Variants in PANK4 observed in about 807,000 individuals in gnomAD.
PANK4 encodes 4'-phosphopantetheine phosphatase.
A neutral mutation model predicts 87.9 loss-of-function variants in PANK4; 40 were observed. That is an observed-to-expected ratio of 0.46 (90% CI 0.35 to 0.59). The LOEUF is 0.59. Among genes scored for constraint, PANK4 ranks in the 20% least tolerant of loss-of-function variants. PANK4 has a pLI of 0.00. For synonymous variants in PANK4, 524 were observed against 467.4 expected, an observed-to-expected ratio of 1.12 and a Z score of -1.56; for missense variants, 926 against 1,072.3, an observed-to-expected ratio of 0.86 and a Z score of 1.90.
At position 2,518,210 on chromosome 1, in the gene PANK4, C is replaced by G. The variant is rs1312003000; in HGVS notation, c.1172G>C (p.Ser391Thr). 1 of 1,611,494 alleles carries G rather than the reference C, an allele frequency of 6.2e-7. No individual in the cohort carries two copies. The highest frequency in any genetic ancestry group is 8.5e-7 in the Non-Finnish European group (1 of 1,179,716). ...ENYAGSSGLM[S>T]ASPELGPAQR... ...CGCCGGGCCGAGCTCGGGTGATGCA[C>G]TCATCAGCCCGGAGCTGCCTGCATA... Residue 391 changes from serine to threonine, a missense_variant, in exon 9 of 19, where the codon AGT (serine) becomes ACT (threonine). Physicochemically the swap from Ser to Thr is moderately conservative, Grantham distance 58. Coordinates refer to ENST00000378466, the MANE Select transcript of PANK4 (RefSeq NM_018216.4).
Position 2,519,556 on chromosome 1 carries a change from A to G in PANK4, c.854-232T>C, listed in dbSNP as rs1412216784. ...GGATTAAGCTTTGTTTTGAAGGAGGAAAAAACCCAATCAGGAAACTATTTT... is the reference window on the plus strand; with the variant it reads ...GGATTAAGCTTTGTTTTGAAGGAGGGAAAAACCCAATCAGGAAACTATTTT... On this transcript the variant is annotated intron_variant, in intron 6 of 18. Transcript: ENST00000378466. This position sits in a 1 kb window ranked among gnomAD's most constrained non-coding sequence, Gnocchi z 8.3. 6.6e-6 allele frequency among the ~76,000 whole-genome samples: 1 copy of G among 152,112 alleles called. No homozygotes were observed. The highest frequency in any genetic ancestry group is 2.4e-5 in the African/African-American group (1 of 41,414).
At chr1:2,521,689 T>TGCCCC in intron 2 of PANK4, 29 bp downstream of exon 2, 1 of 1,576,770 alleles carries the variant, frequency 6.3e-7, no homozygotes, top group South Asian at 1.1e-5. Flanking sequence ...GCGGCTGCCC[T>TGCCCC]GCCCCGGGTG....
rs1643858823 is a variant in PANK4, at chr1:2,519,899, A to G, written c.755T>C (p.Met252Thr). Reference protein sequence around the residue: ...ASRGQHSNVDMLVRDVYGGAH... With the variant: ...ASRGQHSNVDTLVRDVYGGAH... Reference sequence around the variant, plus strand: ...GCCGCCGTAGACGTCCCGCACCAGCATGTCCACATTGCTGTGCTGGCCCCT... The same window carrying G: ...GCCGCCGTAGACGTCCCGCACCAGCGTGTCCACATTGCTGTGCTGGCCCCT... The change falls in exon 6 of 19, where the codon ATG (methionine) becomes ACG (threonine). Residue 252 changes from methionine (M) to threonine (T), a missense_variant. By Grantham distance (81) the Met-to-Thr change is moderately conservative. Coordinates refer to ENST00000378466, the MANE Select transcript of PANK4 (RefSeq NM_018216.4). The surrounding 1 kb of genome is among the most constrained non-coding windows in gnomAD (Gnocchi z 8.3). 20 of 1,568,378 alleles carry G rather than the reference A, an allele frequency of 1.3e-5. No individual in the cohort carries two copies. Among genetic ancestry groups the G allele is most frequent in the Non-Finnish European group, 1.5e-5 (17 of 1,156,710 alleles).
Position 2,521,328 on chromosome 1 carries a change from G to C in PANK4, c.208-13C>G. 6.2e-7 allele frequency: 1 copy of C among 1,603,668 alleles called. No homozygotes were observed. The highest frequency in any genetic ancestry group is 8.5e-7 in the Non-Finnish European group (1 of 1,170,822). On this transcript the variant is annotated splice_polypyrimidine_tract_variant and intron_variant, in intron 2 of 18. Coordinates refer to ENST00000378466, the MANE Select transcript of PANK4 (RefSeq NM_018216.4). ...CACGTTCTGTGTCCTGGAAAACAGA[G>C]TAGGGGAGGCCGCATGTGTGTGGGA...
Position 2,508,750 on chromosome 1 carries a change from A to C in PANK4, c.*97T>G, listed in dbSNP as rs1643609976. 1 of 753,764 alleles carries C rather than the reference A, an allele frequency of 1.3e-6. No individual in the cohort carries two copies. The highest frequency in any genetic ancestry group is 2.3e-6 in the Non-Finnish European group (1 of 437,660). 46.7% of individuals were successfully genotyped at this position (753,764 alleles called of 1,614,324 possible). ...GGTGTATGTGCCGCGTCACAGCAGT[A>C]CCATATAAATACGTTGATTTGAACG... On this transcript the variant is annotated 3_prime_UTR_variant, in exon 19 of 19. Coordinates refer to ENST00000378466, the MANE Select transcript of PANK4 (RefSeq NM_018216.4). The surrounding 1 kb of genome is among the most constrained non-coding windows in gnomAD (Gnocchi z 5.1).
chr1:2,520,288 G>A lies in PANK4; in HGVS notation c.699+34C>T, dbSNP rs1380073301. On this transcript the variant is annotated intron_variant, in intron 5 of 18. Coordinates refer to ENST00000378466, the MANE Select transcript of PANK4 (RefSeq NM_018216.4). This position sits in a 1 kb window ranked among gnomAD's most constrained non-coding sequence, Gnocchi z 6.2. Reference sequence around the variant, plus strand: ...GGGGAAGGAAGCAGACATCTCCGCAGACCCCTGGAAGGTCTCTGGCAGCTG... The same window carrying A: ...GGGGAAGGAAGCAGACATCTCCGCAAACCCCTGGAAGGTCTCTGGCAGCTG... 1.6e-5 allele frequency: 26 copies of A among 1,587,004 alleles called. No individual in the cohort carries two copies. The highest frequency in any genetic ancestry group is 2.2e-5 in the Non-Finnish European group (25 of 1,156,526).
Position 2,515,961 on chromosome 1 carries a change from C to A in PANK4, c.1219-244G>T. The A allele has an allele frequency of 1.7e-6, 1 of 572,264 alleles. No homozygotes were observed. The highest frequency in any genetic ancestry group is 2.0e-5 in the South Asian group (1 of 48,902). The allele number at this position is 572,264 out of a possible 1,614,324, so 35.4% of individuals were successfully genotyped here. ...TCTGCTCCCACCACACGCCTCCTGC[C>A]CCCAGCACCTCCCCGCTGCAGCCAC... On this transcript the variant is annotated intron_variant, in intron 9 of 18. Coordinates refer to ENST00000378466, the MANE Select transcript of PANK4 (RefSeq NM_018216.4). The surrounding 1 kb of genome is among the most constrained non-coding windows in gnomAD (Gnocchi z 5.0).
rs1269407195 is a variant in PANK4, at chr1:2,518,647, G to C, written c.1036-50C>G. On this transcript the variant is annotated intron_variant, in intron 7 of 18. Transcript: ENST00000378466. The stretch of plus-strand genomic sequence containing the variant: ...TGCTGTTGGCCCCACACAACACCCG[G>C]TGCCTCCGCAAACCAGCTCAACGTG... 5 of 1,457,412 alleles carry C rather than the reference G, an allele frequency of 3.4e-6. No homozygotes were observed. In the African/African-American group the frequency reaches 5.6e-5, roughly 16 times the overall value. 90.3% of individuals were successfully genotyped at this position (1,457,412 alleles called of 1,614,324 possible). A position where few individuals can be genotyped will look rare whatever the true frequency, so the allele number is the denominator to read the frequency against.
At position 2,511,621 on chromosome 1, in the gene PANK4, T is replaced by TC. The variant is rs909467678; in HGVS notation, c.1783+6dup. The stretch of plus-strand genomic sequence containing the variant: ...GGCAAGGCCCCAAGTTACTTGGCCA[T>TC]CCGTACCTTGTAACTTCCTCTTTGC... On this transcript the variant is annotated splice_region_variant and intron_variant, in intron 14 of 18. Coordinates refer to ENST00000378466, the MANE Select transcript of PANK4 (RefSeq NM_018216.4). 1.1e-5 allele frequency: 17 copies of TC among 1,598,248 alleles called. 1 individual carries two copies. Among genetic ancestry groups the TC allele is most frequent in the Non-Finnish European group, 1.4e-5 (16 of 1,165,878 alleles).
At chr1:2,513,186 G>T in intron 12 of PANK4, 147 bp from the exon 13 acceptor site, 1 of 826,628 alleles carries the variant, frequency 1.2e-6, no homozygotes, top group Non-Finnish European at 1.9e-6. Context: ...CAAGCCTATC[G>T]GTCCGGGACA....
Position 2,510,025 on chromosome 1 carries a change from A to G in PANK4, c.2039+32T>C, listed in dbSNP as rs755847602. 1 of 1,580,564 alleles carries G rather than the reference A, an allele frequency of 6.3e-7. No individual in the cohort carries two copies. The highest frequency in any genetic ancestry group is 1.1e-5 in the South Asian group (1 of 88,570). On this transcript the variant is annotated intron_variant, in intron 17 of 18. Transcript: ENST00000378466. The surrounding 1 kb of genome is among the most constrained non-coding windows in gnomAD (Gnocchi z 4.9). ...GCCCAGCTGGTGCCCCTCCCCATCA[A>G]GGCCCCCCCAGCACTGCCCGCCAAC...
intron 1 of PANK4, 123 bp downstream of exon 1, chr1:2,526,341 G>T: frequency 2.1e-6 from 1 of 472,492 alleles, no homozygotes; most frequent in Non-Finnish European, 2.8e-6. Flanking sequence ...TACAAGGCCC[G>T]TGAGGCTGTG....
chr1:2,519,397 A>G lies in PANK4; in HGVS notation c.854-73T>C. Reference sequence around the variant, plus strand: ...ACGACATGAGAGCGAGCAGGAGGGGAGGGGGAGAGAGAGCTGAGTGGGAGG... The same window carrying G: ...ACGACATGAGAGCGAGCAGGAGGGGGGGGGGAGAGAGAGCTGAGTGGGAGG... On this transcript the variant is annotated intron_variant, in intron 6 of 18. Transcript: ENST00000378466. This position sits in a 1 kb window ranked among gnomAD's most constrained non-coding sequence, Gnocchi z 8.3. The G allele has an allele frequency of 2.7e-6, 1 of 376,110 alleles. No individual in the cohort carries two copies. Among genetic ancestry groups the G allele is most frequent in the Non-Finnish European group, 3.8e-6 (1 of 266,252 alleles). The allele number at this position is 376,110 out of a possible 1,614,324, so 23.3% of individuals were successfully genotyped here.
At chr1:2,524,604 G>A (rs1643904728) in intron 1 of PANK4, among the ~76,000 whole-genome samples, 1 of 152,102 alleles carries the variant, frequency 6.6e-6, no homozygotes, top group African/African-American at 2.4e-5. Context: ...GGTACTCCAG[G>A]GCCCTCTAGG....
intron 3 of PANK4, 71 bp downstream of exon 3, chr1:2,521,030 G>A (rs937528185): frequency 3.0e-5 from 46 of 1,532,212 alleles, no homozygotes; most frequent in Non-Finnish European, 3.3e-5. Flanking sequence ...CGCCAGGGAC[G>A]CGGCTCTGGG....
chr1:2,513,635 G>C (rs1477730848), intron 12 of PANK4, among the ~76,000 whole-genome samples: 1 of 152,222 alleles, frequency 6.6e-6, no homozygotes, highest in Non-Finnish European at 1.5e-5. Flanking sequence ...CCCCATGAGG[G>C]GAAAGCAGTC....
In PANK4 at chr1:2,521,311, G is replaced by A. The variant is rs140795573; in HGVS notation, c.212C>T (p.Thr71Ile). The A allele has an allele frequency of 9.2e-5, 148 of 1,613,038 alleles. 1 individual carries two copies. Among genetic ancestry groups the A allele is most frequent in the Non-Finnish European group, 1.1e-5 (13 of 1,179,356 alleles). ...VRSFDHSGKD[T>I]EREHEPPYEI... is the part of the protein sequence containing the mutation. ...ATAGGGCGGCTCATGTTCACGTTCT[G>A]TGTCCTGGAAAACAGAGTAGGGGAG... The change falls in exon 3 of 19, where the codon ACA (threonine) becomes ATA (isoleucine). Residue 71 changes from threonine to isoleucine, a missense_variant. Coordinates refer to ENST00000378466, the MANE Select transcript of PANK4 (RefSeq NM_018216.4).
rs1194842845 is a variant in PANK4, at chr1:2,519,863, G to A, written c.791C>T (p.Thr264Ile). Residue 264 changes from threonine to isoleucine, a missense_variant, in exon 6 of 19, where the codon ACT becomes ATT. Coordinates refer to ENST00000378466, the MANE Select transcript of PANK4 (RefSeq NM_018216.4). This position sits in a 1 kb window ranked among gnomAD's most constrained non-coding sequence, Gnocchi z 8.3. Reference sequence around the variant, plus strand: ...GATGAGGTTCCCGCTCAGCCCGAGAGTCTGGTGGGCGCCGCCGTAGACGTC... The same window carrying A: ...GATGAGGTTCCCGCTCAGCCCGAGAATCTGGTGGGCGCCGCCGTAGACGTC... ...VRDVYGGAHQ[T>I]LGLSGNLIAS... 3.8e-6 allele frequency: 6 copies of A among 1,571,482 alleles called. No homozygotes were observed. The highest frequency in any genetic ancestry group is 5.2e-6 in the Non-Finnish European group (6 of 1,158,834).
Position 2,521,332 on chromosome 1 carries a change from G to A in PANK4, c.208-17C>T, listed in dbSNP as rs200464349. ...TTCTGTGTCCTGGAAAACAGAGTAG[G>A]GGAGGCCGCATGTGTGTGGGACACC... On this transcript the variant is annotated splice_polypyrimidine_tract_variant and intron_variant, in intron 2 of 18. Transcript: ENST00000378466. The A allele has an allele frequency of 3.7e-5, 59 of 1,600,402 alleles. 1 individual carries two copies. The Middle Eastern group carries it at 1.3e-3, about 36-fold the overall frequency.
Sources: gnomAD v4.1 joint callset for allele counts (sites outside exome capture counted in the v4.1 genomes callset) on GRCh38, gnomAD v4.1.1 for gene constraint, Gnocchi (gnomAD v3.1) non-coding constraint, MANE v1.5 for transcripts, NCBI Gene and HGNC (gene_info 2026-07-23, HGNC 2026-07-21) for gene names.